The following KMT2D variants were observed in gnomAD, a reference collection of about 807,000 sequenced individuals.
KMT2D encodes histone-lysine N-methyltransferase 2D.
KMT2D carries 55 observed loss-of-function variants against 512.7 expected under a neutral mutation model. The observed-to-expected ratio is 0.11, with a 90% CI of 0.09 to 0.13. KMT2D has a LOEUF of 0.13. Among genes scored for constraint, KMT2D ranks in the 10% least tolerant of loss-of-function variants. The pLI, the probability that KMT2D is intolerant of heterozygous loss-of-function variation, is 1.00. For synonymous variants in KMT2D, 2,995 were observed against 2,904.0 expected (o/e 1.03, Z -1.01); for missense variants, 6,061 against 7,127.9 (o/e 0.85, Z 5.39).
At position 49,039,500 on chromosome 12, in the gene KMT2D, C is replaced by T. The variant is rs752977564; in HGVS notation, c.8164G>A (p.Ala2722Thr). 6.8e-6 allele frequency: 11 copies of T among 1,611,338 alleles called. No individual in the cohort carries two copies. The highest frequency in any genetic ancestry group is 5.0e-5 in the Admixed American group (3 of 59,736). Residue 2722 changes from alanine (A) to threonine (T), a missense_variant, in exon 33 of 55, where the codon GCT becomes ACT. Around this residue, in one of 16 missense-constraint regions of KMT2D, gnomAD observed 527 missense variants for 578.9 expected, o/e 0.91. Transcript: ENST00000301067. This position sits in a 1 kb window ranked among gnomAD's most constrained non-coding sequence, Gnocchi z 5.0. ...TCAAAGGCAGGGCTGCTGGGCTCAG[C>T]ACCCCAGCTGCCTGGAGGCCCCACT... ...GAVGPPGSWGAEPSSPAFEQL... is the reference protein window; with the variant it reads ...GAVGPPGSWGTEPSSPAFEQL...
In KMT2D at chr12:49,050,011, C is replaced by A. The variant is rs760595153; in HGVS notation, c.3577G>T (p.Ala1193Ser). The A allele has an allele frequency of 6.2e-7, 1 of 1,613,902 alleles. No individual in the cohort carries two copies. Among genetic ancestry groups the A allele is most frequent in the South Asian group, 1.1e-5 (1 of 91,078 alleles). ...EEQEEPRAPV[A>S]PTPPTLIKSD... ...TTGATGAGAGTGGGTGGTGTGGGGG[C>A]CACCGGTGCACGTGGCTCTTCCTGT... Residue 1193 changes from alanine to serine, a missense_variant, in exon 12 of 55, where the codon GCC (alanine) becomes TCC (serine). Ala to Ser is a moderately conservative substitution (Grantham distance 99). This residue lies in a region of KMT2D where 447 missense variants were observed against 500.1 expected (regional missense o/e 0.89). Coordinates refer to ENST00000301067, the MANE Select transcript of KMT2D (RefSeq NM_003482.4).
chr12:49,044,659 G>A lies in KMT2D; in HGVS notation c.4963+85C>T. On this transcript the variant is annotated intron_variant, in intron 20 of 54. Coordinates refer to ENST00000301067, the MANE Select transcript of KMT2D (RefSeq NM_003482.4). This position sits in a 1 kb window ranked among gnomAD's most constrained non-coding sequence, Gnocchi z 6.4. The stretch of plus-strand genomic sequence containing the variant: ...GACAGCAGTGCTTAAGGGTAACTGA[G>A]TGGCAATGTAGCCCCCACCCAACAT... 2 of 1,547,140 alleles carry A rather than the reference G, an allele frequency of 1.3e-6. No homozygotes were observed. Among genetic ancestry groups the A allele is most frequent in the Non-Finnish European group, 1.8e-6 (2 of 1,132,264 alleles).
chr12:49,019,544 A>G lies in KMT2D; in HGVS notation c.*2236T>C. On this transcript the variant is annotated 3_prime_UTR_variant, in exon 55 of 55. Transcript: ENST00000301067. Reference sequence around the variant, plus strand: ...ACTATCGGATACCTAGCATATGCTTACAAAGTCTGCCCCATCCCCTTTTCC... The same window carrying G: ...ACTATCGGATACCTAGCATATGCTTGCAAAGTCTGCCCCATCCCCTTTTCC... 1 of 227,438 alleles carries G rather than the reference A, an allele frequency of 4.4e-6. No homozygotes were observed. Among genetic ancestry groups the G allele is most frequent in the East Asian group, 6.3e-5 (1 of 15,862 alleles). 14.1% of individuals were successfully genotyped at this position (227,438 alleles called of 1,614,324 possible).
rs1191846376 is a variant in KMT2D at position 49,029,157 on chromosome 12, C to T, written c.14155G>A (p.Ala4719Thr). Residue 4719 changes from alanine to threonine, a missense_variant, in exon 45 of 55, where the codon GCC (alanine) becomes ACC (threonine). This residue lies in a region of KMT2D where 1,600 missense variants were observed against 1,754.9 expected (regional missense o/e 0.91). Coordinates refer to ENST00000301067, the MANE Select transcript of KMT2D (RefSeq NM_003482.4). ...GAGCCCAGATGAGGGAAACGAGGGGCCTCCTCCCCCAAGATGCTCTCAGGG... is the reference window on the plus strand; with the variant it reads ...GAGCCCAGATGAGGGAAACGAGGGGTCTCCTCCCCCAAGATGCTCTCAGGG... Reference protein sequence around the residue: ...SSPESILGEEAPRFPHLGSGR... With the variant: ...SSPESILGEETPRFPHLGSGR... The T allele has an allele frequency of 1.9e-6, 3 of 1,613,692 alleles. No homozygotes were observed. The highest frequency in any genetic ancestry group is 2.5e-6 in the Non-Finnish European group (3 of 1,179,742).
intron 35 of KMT2D, among the ~76,000 whole-genome samples, chr12:49,036,478 ATTTTTTTTTT>A (rs34412400): frequency 4.1e-5 from 3 of 73,390 alleles, no homozygotes; most frequent in Admixed American, 3.0e-4. Context: ...CACCCAGCTA[ATTTTTTTTTT>A]TTTTTTTTTT....
At position 49,060,575 on chromosome 12, in the gene KMT2D, C is replaced by T. The variant is rs1406443984; in HGVS notation, c.-1000G>A. On this transcript the variant is annotated 5_prime_UTR_variant, in exon 1 of 55. Coordinates refer to ENST00000301067, the MANE Select transcript of KMT2D (RefSeq NM_003482.4). The stretch of plus-strand genomic sequence containing the variant: ...TTTGCAACCGGAGAGGAAAGTAGTG[C>T]AGCGCGGCGCCGCTCCGCCTCCCCC... 6.6e-6 allele frequency among the ~76,000 whole-genome samples: 1 copy of T among 152,182 alleles called. No homozygotes were observed. Among genetic ancestry groups the T allele is most frequent in the Non-Finnish European group, 1.5e-5 (1 of 68,016 alleles).
Position 49,022,697 on chromosome 12 carries a change from G to T in KMT2D, c.16231C>A (p.Leu5411Ile). The change falls in exon 52 of 55, where the codon CTC (leucine) becomes ATC (isoleucine). Residue 5411 changes from leucine (L) to isoleucine (I), a missense_variant. By Grantham distance (5) the Leu-to-Ile change is conservative. Around this residue, in one of 16 missense-constraint regions of KMT2D, gnomAD observed 44 missense variants for 194.7 expected, o/e 0.23. Transcript: ENST00000301067. This position sits in a 1 kb window ranked among gnomAD's most constrained non-coding sequence, Gnocchi z 8.6. ...TTTTCTAGGTCCTTGGCTGCATAGA[G>T]CCCCAGGCCCTGGATACGGGAGCGA... ...LARSRIQGLG[L>I]YAAKDLEKHT... The T allele has an allele frequency of 6.2e-7, 1 of 1,613,976 alleles. No individual in the cohort carries two copies.
rs773320492 is a variant in KMT2D at position 49,049,888 on chromosome 12, C to A, written c.3700G>T (p.Gly1234Trp). The A allele has an allele frequency of 3.1e-6, 5 of 1,613,932 alleles. No homozygotes were observed. The highest frequency in any genetic ancestry group is 2.7e-5 in the African/African-American group (2 of 75,066). ...AACTCCATGGACAGGGAGCCACCCC[C>A]CTCCGGGTCTGGAGAGCCCAGGAGG... ...EPLLGSPDPE[G>W]GGSLSMELGV... Residue 1234 changes from glycine to tryptophan, a missense_variant, in exon 12 of 55, where the codon GGG becomes TGG. This residue lies in a region of KMT2D where 447 missense variants were observed against 500.1 expected (regional missense o/e 0.89). Transcript: ENST00000301067.
chr12:49,051,890 C>T lies in KMT2D; in HGVS notation c.1793G>A (p.Arg598His), dbSNP rs377761041. 1.0e-4 allele frequency: 166 copies of T among 1,601,566 alleles called. No homozygotes were observed. Among genetic ancestry groups the T allele is most frequent in the Admixed American group, 2.9e-4 (17 of 58,858 alleles). The change falls in exon 11 of 55, where the codon CGT (arginine) becomes CAT (histidine). Residue 598 changes from arginine (R) to histidine (H), a missense_variant. This residue lies in a region of KMT2D where 848 missense variants were observed against 838.5 expected (regional missense o/e 1.01). Transcript: ENST00000301067. ...AGACTCTTCAAATGGTGGGAACAGA[C>T]GAGATGCCTCCGGTGGTGGAGACAT... ...SPMSPPPEAS[R>H]LFPPFEESPL...
chr12:49,032,019 C>T lies in KMT2D; in HGVS notation c.12686G>A (p.Arg4229Gln), dbSNP rs753607446. 28 of 1,608,874 alleles carry T rather than the reference C, an allele frequency of 1.7e-5. No individual in the cohort carries two copies. The Admixed American group carries it at 3.8e-4, about 22-fold the overall frequency. ...TACTGCCTGACTCTGCTGCAGCTGC[C>T]GCTGCATGAGGAGTGCCTGTAGCTG... Reference protein sequence around the residue: ...QQQLQALLMQRQLQQSQAVRQ... With the variant: ...QQQLQALLMQQQLQQSQAVRQ... Residue 4229 changes from arginine to glutamine, a missense_variant, in exon 40 of 55, where the codon CGG (arginine) becomes CAG (glutamine). This residue lies in a region of KMT2D where 1,600 missense variants were observed against 1,754.9 expected (regional missense o/e 0.91). Coordinates refer to ENST00000301067, the MANE Select transcript of KMT2D (RefSeq NM_003482.4).
At position 49,020,961 on chromosome 12, in the gene KMT2D, T is replaced by C; in HGVS notation, c.*819A>G. The C allele has an allele frequency of 5.1e-6, 1 of 195,580 alleles. No homozygotes were observed. Among genetic ancestry groups the C allele is most frequent in the Non-Finnish European group, 1.1e-5 (1 of 93,826 alleles). The allele number at this position is 195,580 out of a possible 1,614,324, so 12.1% of individuals were successfully genotyped here. On this transcript the variant is annotated 3_prime_UTR_variant, in exon 55 of 55. Transcript: ENST00000301067. ...TAATTAAAAACAAAGATGGATTTTT[T>C]GTTGTTGTTTTTCTTCCTCCTCCTA...
In KMT2D at chr12:49,054,549, C is replaced by G. The variant is rs2120710618; in HGVS notation, c.379G>C (p.Ala127Pro). ...TCACCTCCAGGTTCTCCTAGGTGGG[C>G]AGGTGTAAGGCCCTCAGGGAAACCA... ...QIGFPEGLTPAHLGEPGGSCW... is the reference protein window; with the variant it reads ...QIGFPEGLTPPHLGEPGGSCW... The change falls in exon 4 of 55, where the codon GCC becomes CCC. Residue 127 changes from alanine to proline, a missense_variant. Physicochemically the swap from Ala to Pro is conservative, Grantham distance 27. Around this residue, in one of 16 missense-constraint regions of KMT2D, gnomAD observed 144 missense variants for 165.7 expected, o/e 0.87. Transcript: ENST00000301067. This position sits in a 1 kb window ranked among gnomAD's most constrained non-coding sequence, Gnocchi z 6.4. The G allele has an allele frequency of 6.2e-7, 1 of 1,611,786 alleles. No homozygotes were observed. The highest frequency in any genetic ancestry group is 8.5e-7 in the Non-Finnish European group (1 of 1,178,870).
In KMT2D at chr12:49,050,228, T is replaced by C. The variant is rs777190205; in HGVS notation, c.3360A>G (p.Glu1120=). The change falls in exon 12 of 55, where the codon GAA becomes GAG. Residue 1120 remains glutamate, a synonymous_variant. Transcript: ENST00000301067. ...PALDDFSGLG[E]DTAPLDGIDA... is the part of the protein sequence containing the mutation. ...CAATCCCATCCAGAGGGGCTGTGTCTTCCCCTAGGCCAGAGAAGTCATCCA... is the reference window on the plus strand; with the variant it reads ...CAATCCCATCCAGAGGGGCTGTGTCCTCCCCTAGGCCAGAGAAGTCATCCA... 6 of 1,613,656 alleles carry C rather than the reference T, an allele frequency of 3.7e-6. No individual in the cohort carries two copies. Among genetic ancestry groups the C allele is most frequent in the East Asian group, 2.2e-5 (1 of 44,860 alleles).
intron 12 of KMT2D, 61 bp from the exon 13 acceptor site, chr12:49,049,279 C>A: frequency 9.6e-7 from 1 of 1,041,844 alleles, no homozygotes; most frequent in East Asian, 2.6e-5. Context: ...TGGGTTTACA[C>A]ACTTGAACAG....
At chr12:49,045,006 C>A (rs779582329) in intron 19 of KMT2D, 41 bp from the exon 20 acceptor site, 1 of 1,555,716 alleles carries the variant, frequency 6.4e-7, no homozygotes, top group Non-Finnish European at 8.9e-7. Flanking sequence ...GGATGGAAGC[C>A]CCAGGGAAAC....
Position 49,048,573 on chromosome 12 carries a change from C to CA in KMT2D, c.4131+85dup, listed in dbSNP as rs5798089. On this transcript the variant is annotated intron_variant, in intron 14 of 54. Transcript: ENST00000301067. ...TGTTTTCTCATTAGCTGGGTATCCC[C>CA]AAAGTAGGTCCAGTTTTCCCATCTA... 327,933 of 854,826 alleles carry CA rather than the reference C, an allele frequency of 0.38. 65,091 individuals are homozygous for CA. The highest frequency in any genetic ancestry group is 0.47 in the African/African-American group (28,114 of 60,092). The allele number at this position is 854,826 out of a possible 1,614,324, so 53.0% of individuals were successfully genotyped here.
At position 49,041,251 on chromosome 12, in the gene KMT2D, C is replaced by T. The variant is rs759939367; in HGVS notation, c.6519G>A (p.Ser2173=). Reference sequence around the variant, plus strand: ...CAGGGGCCAGTCCAAAGGGGTCCTGCGAAGGCACTTGGGCGGGCACCTGGG... The same window carrying T: ...CAGGGGCCAGTCCAAAGGGGTCCTGTGAAGGCACTTGGGCGGGCACCTGGG... ...LPPQVPAQVP[S]QDPFGLAPAY... Residue 2173 remains serine, a synonymous_variant, in exon 32 of 55, where the codon TCG becomes TCA. Coordinates refer to ENST00000301067, the MANE Select transcript of KMT2D (RefSeq NM_003482.4). The surrounding 1 kb of genome is among the most constrained non-coding windows in gnomAD (Gnocchi z 5.4). The T allele has an allele frequency of 1.1e-5, 17 of 1,516,046 alleles. No individual in the cohort carries two copies. The highest frequency in any genetic ancestry group is 4.6e-5 in the Admixed American group (2 of 43,594). The allele number at this position is 1,516,046 out of a possible 1,614,324, so 93.9% of individuals were successfully genotyped here.
rs888467319 is a variant in KMT2D, at chr12:49,060,261, T to G, written c.-686A>C. Among the ~76,000 whole-genome samples the G allele has an allele frequency of 6.6e-6, 1 of 151,824 alleles. No homozygotes were observed. The highest frequency in any genetic ancestry group is 1.5e-5 in the Non-Finnish European group (1 of 67,914). On this transcript the variant is annotated 5_prime_UTR_variant, in exon 1 of 55. Transcript: ENST00000301067. ...CGGCGGCTTCGAGCCCCCCACCTTC[T>G]GCTCCCCCCGGGGAAGGGAGGAGGC... is the stretch of plus-strand genomic sequence containing the variant.
At position 49,021,486 on chromosome 12, in the gene KMT2D, C is replaced by T; in HGVS notation, c.*294G>A. ...AGATGCTTCTGGGTAGTTCCCGGCC[C>T]ATATCCCCCTCAAACCTGAGATGCC... is the stretch of plus-strand genomic sequence containing the variant. On this transcript the variant is annotated 3_prime_UTR_variant, in exon 55 of 55. Coordinates refer to ENST00000301067, the MANE Select transcript of KMT2D (RefSeq NM_003482.4). 2.1e-6 allele frequency: 1 copy of T among 470,722 alleles called. No individual in the cohort carries two copies. The highest frequency in any genetic ancestry group is 3.8e-6 in the Non-Finnish European group (1 of 261,006). The allele number at this position is 470,722 out of a possible 1,614,324, so 29.2% of individuals were successfully genotyped here. A position where few individuals can be genotyped will look rare whatever the true frequency, so the allele number is the denominator to read the frequency against.
Sources: gnomAD v4.1 joint callset for allele counts (sites outside exome capture counted in the v4.1 genomes callset) on GRCh38, gnomAD v4.1.1 for gene constraint, gnomAD v4.1.1 regional missense constraint, Gnocchi (gnomAD v3.1) non-coding constraint, MANE v1.5 for transcripts, NCBI Gene and HGNC (gene_info 2026-07-23, HGNC 2026-07-21) for gene names.